The following SYMPK variants were observed in gnomAD, a reference collection of about 807,000 sequenced individuals.
SYMPK encodes symplekin.
Under a neutral mutation model 136.4 loss-of-function variants are expected in SYMPK, and 49 were observed. The observed-to-expected ratio is 0.36, with a 90% CI of 0.29 to 0.46. SYMPK has a LOEUF of 0.46. Among genes scored for constraint, SYMPK ranks in the 20% least tolerant of loss-of-function variants. The probability of loss-of-function intolerance (pLI) is 1.00; values close to 1 mark genes in which losing one functional copy is unlikely to be tolerated. For missense variants in SYMPK, 1,365 were observed against 1,690.0 expected (o/e 0.81, Z 3.37); for synonymous variants, 766 against 713.0 (o/e 1.07, Z -1.19).
intron 17 of SYMPK, 70 bp from the exon 18 acceptor site, chr19:45,825,401 T>A (rs545482234): frequency 1.3e-6 from 2 of 1,545,554 alleles, no homozygotes; most frequent in South Asian, 2.5e-5. Flanking sequence ...CTCAGGAATG[T>A]CCCTTCTTGG....
At position 45,815,417 on chromosome 19, in the gene SYMPK, C is replaced by T; in HGVS notation, c.*143G>A. ...GACGGCACCCGCGCCCCAGGCCCGCCATCCCTTTTTTTTTTTCTTTTCAGT... is the reference window on the plus strand; with the variant it reads ...GACGGCACCCGCGCCCCAGGCCCGCTATCCCTTTTTTTTTTTCTTTTCAGT... On this transcript the variant is annotated 3_prime_UTR_variant, in exon 27 of 27. Transcript: ENST00000245934. 3.1e-6 allele frequency: 3 copies of T among 972,438 alleles called. No homozygotes were observed. The highest frequency in any genetic ancestry group is 4.2e-6 in the Non-Finnish European group (3 of 722,216). The allele number at this position is 972,438 out of a possible 1,614,324, so 60.2% of individuals were successfully genotyped here.
At chr19:45,841,175 G>A (rs970011539) in intron 9 of SYMPK, among the ~76,000 whole-genome samples, 5 of 151,920 alleles carry the variant, frequency 3.3e-5, no homozygotes, top group Non-Finnish European at 7.4e-5. Context: ...GTAGAGACAG[G>A]GTTTCACCAT....
chr19:45,842,590 T>G (rs1453371185), intron 8 of SYMPK, 101 bp from the exon 9 acceptor site: 1 of 1,520,158 alleles, frequency 6.6e-7, no homozygotes, highest in East Asian at 2.3e-5. Context: ...CTTGCAGGCA[T>G]CTACTAGAAA....
intron 7 of SYMPK, among the ~76,000 whole-genome samples, chr19:45,846,169 G>GAGCATGCAGTGAGCCGA (rs1241822573): frequency 6.6e-6 from 1 of 152,212 alleles, no homozygotes; most frequent in Non-Finnish European, 1.5e-5. Flanking sequence ...ACGGGAGGCG[G>GAGCATGCAGTGAGCCGA]AGCATGCAGT....
Position 45,854,433 on chromosome 19 carries a change from T to C in SYMPK, c.63A>G (p.Gln21=). 2 of 1,611,418 alleles carry C rather than the reference T, an allele frequency of 1.2e-6. No homozygotes were observed. The highest frequency in any genetic ancestry group is 1.7e-5 in the Admixed American group (1 of 59,990). The change falls in exon 2 of 27, where the codon CAA becomes CAG. Residue 21 remains glutamine, a synonymous_variant. Coordinates refer to ENST00000245934, the MANE Select transcript of SYMPK (RefSeq NM_004819.3). ...RRSVASQFFT[Q]EEGPGIDGMT... The stretch of plus-strand genomic sequence containing the variant: ...TGCCATCGATGCCCGGCCCCTCCTC[T>C]TGAGTGAAAAACTGTGATGCCACGC...
intron 9 of SYMPK, among the ~76,000 whole-genome samples, chr19:45,839,235 T>C (rs1971379569): frequency 6.6e-6 from 1 of 152,154 alleles, no homozygotes; most frequent in Non-Finnish European, 1.5e-5. Flanking sequence ...ATCAAGAATG[T>C]ACACTCGGTA....
intron 22 of SYMPK, among the ~76,000 whole-genome samples, chr19:45,818,378 A>C (rs1442722365): frequency 6.6e-6 from 1 of 152,208 alleles, no homozygotes; most frequent in Admixed American, 6.5e-5. Flanking sequence ...AACTCCAGGA[A>C]GCCCCAAAAT....
Position 45,818,154 on chromosome 19 carries a change from G to T in SYMPK, c.2894-8C>A. ...CAAAGCACAGGTTGGTGGCTGCGAG[G>T]AGGCGGAGAGTGGGCCTGTCCTCTC... On this transcript the variant is annotated splice_region_variant and splice_polypyrimidine_tract_variant and intron_variant, in intron 22 of 26. Transcript: ENST00000245934. 1 of 1,535,594 alleles carries T rather than the reference G, an allele frequency of 6.5e-7. No individual in the cohort carries two copies. Among genetic ancestry groups the T allele is most frequent in the Non-Finnish European group, 8.8e-7 (1 of 1,136,536 alleles).
chr19:45,838,294 C>T (rs1338368740), intron 10 of SYMPK, among the ~76,000 whole-genome samples, 167 bp downstream of exon 10: 1 of 152,004 alleles, frequency 6.6e-6, no homozygotes, highest in Non-Finnish European at 1.5e-5. Flanking sequence ...ATGCCAGCAC[C>T]ACGCTTCCTA....
intron 5 of SYMPK, among the ~76,000 whole-genome samples, chr19:45,849,803 T>C (rs974684989): frequency 1.3e-5 from 2 of 152,070 alleles, no homozygotes; most frequent in Non-Finnish European, 2.9e-5. Flanking sequence ...CCCAGCACTT[T>C]GGGAGGCTGA....
In SYMPK at chr19:45,831,606, A is replaced by G. The variant is rs1971176622; in HGVS notation, c.1394-18T>C. On this transcript the variant is annotated intron_variant, in intron 11 of 26. Transcript: ENST00000245934. ...CTCTACACCTGAGGGGGAGGCAGCA[A>G]ACAGACACCCAGTGCGTCAGACCCA... The G allele has an allele frequency of 6.4e-7, 1 of 1,563,866 alleles. No individual in the cohort carries two copies. The highest frequency in any genetic ancestry group is 8.7e-7 in the Non-Finnish European group (1 of 1,152,932).
At chr19:45,857,657 A>T (rs892345352) in intron 1 of SYMPK, among the ~76,000 whole-genome samples, 1 of 151,060 alleles carries the variant, frequency 6.6e-6, no homozygotes, top group South Asian at 2.1e-4. Context: ...ACGCCCGGCT[A>T]ATTTTTTGTA....
At chr19:45,827,125 C>G (rs1971058690) in intron 16 of SYMPK, among the ~76,000 whole-genome samples, 1 of 152,210 alleles carries the variant, frequency 6.6e-6, no homozygotes, top group South Asian at 2.1e-4. Flanking sequence ...TCACTGCTGG[C>G]TGAGGCCACA....
At position 45,826,271 on chromosome 19, in the gene SYMPK, G is replaced by A; in HGVS notation, c.2284C>T (p.His762Tyr). ...FALNYLQLLV[H>Y]PNPPSVLFGA... ...AACAGCACAGACGGTGGGTTGGGGT[G>A]CACCAGGAGCTGCAGGTAGTTGAGG... Residue 762 changes from histidine to tyrosine, a missense_variant, in exon 17 of 27, where the codon CAC becomes TAC. This residue lies in a region of SYMPK where 92 missense variants were observed against 198.6 expected (regional missense o/e 0.46). Coordinates refer to ENST00000245934, the MANE Select transcript of SYMPK (RefSeq NM_004819.3). 2 of 1,613,564 alleles carry A rather than the reference G, an allele frequency of 1.2e-6. No individual in the cohort carries two copies. Among genetic ancestry groups the A allele is most frequent in the Non-Finnish European group, 1.7e-6 (2 of 1,179,804 alleles).
intron 22 of SYMPK, among the ~76,000 whole-genome samples, chr19:45,818,678 T>C (rs1387300476): frequency 1.3e-5 from 2 of 151,964 alleles, no homozygotes; most frequent in African/African-American, 2.4e-5. Flanking sequence ...ATCAGAGTAA[T>C]AGCGAAGGGA....
chr19:45,826,590 C>T (rs982548046), intron 16 of SYMPK, among the ~76,000 whole-genome samples: 3 of 152,166 alleles, frequency 2.0e-5, no homozygotes, highest in African/African-American at 7.2e-5. Flanking sequence ...CCTCTCCAGC[C>T]CATCTGCCCA....
Position 45,816,732 on chromosome 19 carries a change from C to T in SYMPK, c.3258+66G>A. 6 of 1,479,470 alleles carry T rather than the reference C, an allele frequency of 4.1e-6. 1 individual carries two copies. In the South Asian group the frequency reaches 6.5e-5, roughly 16 times the overall value. The allele number at this position is 1,479,470 out of a possible 1,614,324, so 91.6% of individuals were successfully genotyped here. On this transcript the variant is annotated intron_variant, in intron 24 of 26. Coordinates refer to ENST00000245934, the MANE Select transcript of SYMPK (RefSeq NM_004819.3). ...ATCCAGTCCCCACCAACCAGAGGGA[C>T]CCAGGGGGCCGCCCACCGCACACCC...
At chr19:45,816,273 G>A (rs1970734798) in intron 25 of SYMPK, 90 bp from the exon 26 acceptor site, 1 of 1,145,056 alleles carries the variant, frequency 8.7e-7, no homozygotes, top group African/African-American at 1.6e-5. Context: ...GGTGGTCTTT[G>A]AGTTCTTCAC....
At chr19:45,823,914 A>C (rs2146305430) in intron 18 of SYMPK, 39 bp from the exon 19 acceptor site, 1 of 1,555,830 alleles carries the variant, frequency 6.4e-7, no homozygotes, top group South Asian at 1.1e-5. Context: ...CCAGGGTGAG[A>C]GCTTAGGGGA....
Sources: gnomAD v4.1 joint callset for allele counts (sites outside exome capture counted in the v4.1 genomes callset) on GRCh38, gnomAD v4.1.1 for gene constraint, gnomAD v4.1.1 regional missense constraint, MANE v1.5 for transcripts, NCBI Gene and HGNC (gene_info 2026-07-23, HGNC 2026-07-21) for gene names.